ZNF639: variants seen among roughly 807,000 people sequenced by gnomAD.
ZNF639 encodes the protein zinc finger amplified in esophageal squamous cell carcinomas 1.
Under a neutral mutation model 39.8 loss-of-function variants are expected in ZNF639, and 20 were observed. That is an observed-to-expected ratio of 0.50 (90% CI 0.35 to 0.73). The LOEUF is 0.73. Ranked by LOEUF, ZNF639 falls within the 30% of genes least tolerant of loss-of-function variation. The pLI is 0.00. For missense variants in ZNF639, 477 were observed against 566.2 expected (o/e 0.84, Z 1.60); for synonymous variants, 176 against 189.8 (o/e 0.93, Z 0.60).
chr3:179,333,006 G>A lies in ZNF639; in HGVS notation c.187G>A (p.Glu63Lys), dbSNP rs1375579759. 24 of 1,550,666 alleles carry A rather than the reference G, an allele frequency of 1.5e-5. No individual in the cohort carries two copies. The highest frequency in any genetic ancestry group is 3.6e-5 in the South Asian group (3 of 83,818). Reference sequence around the variant, plus strand: ...TTTTACAGATGATGATTCTGATACCGAGACGTCAAATGACTTGCCAAAATT... The same window carrying A: ...TTTTACAGATGATGATTCTGATACCAAGACGTCAAATGACTTGCCAAAATT... ...FDNKDDDSDTETSNDLPKFAD... is the reference protein window; with the variant it reads ...FDNKDDDSDTKTSNDLPKFAD... The change falls in exon 5 of 6, where the codon GAG becomes AAG. Residue 63 changes from glutamate (E) to lysine (K), a missense_variant. Coordinates refer to ENST00000496856, the MANE Select transcript of ZNF639 (RefSeq NM_001303426.2).
At position 179,334,690 on chromosome 3, in the gene ZNF639, A is replaced by G. The variant is rs1728123050; in HGVS notation, c.*268A>G. 4.8e-6 allele frequency: 1 copy of G among 207,300 alleles called. No homozygotes were observed. 12.8% of individuals were successfully genotyped at this position (207,300 alleles called of 1,614,324 possible). A position where few individuals can be genotyped will look rare whatever the true frequency, so the allele number is the denominator to read the frequency against. On this transcript the variant is annotated 3_prime_UTR_variant, in exon 6 of 6. Coordinates refer to ENST00000496856, the MANE Select transcript of ZNF639 (RefSeq NM_001303426.2). Reference sequence around the variant, plus strand: ...TCTTCCATATTCTCTGATTTCATGAATTGAAAAGAAACAAATGTATTGAAG... The same window carrying G: ...TCTTCCATATTCTCTGATTTCATGAGTTGAAAAGAAACAAATGTATTGAAG...
intron 1 of ZNF639, among the ~76,000 whole-genome samples, chr3:179,324,268 A>G (rs1181367818): frequency 6.6e-6 from 1 of 152,190 alleles, no homozygotes; most frequent in African/African-American, 2.4e-5. Context: ...TGTTGTATGT[A>G]TTCTATTTTG....
rs1253592227 is a variant in ZNF639, at chr3:179,335,523, A to G, written c.*1101A>G. 6.6e-6 allele frequency: 1 copy of G among 152,380 alleles called. No homozygotes were observed. The highest frequency in any genetic ancestry group is 6.5e-5 in the Admixed American group (1 of 15,304). 9.4% of individuals were successfully genotyped at this position (152,380 alleles called of 1,614,324 possible). On this transcript the variant is annotated 3_prime_UTR_variant, in exon 6 of 6. Coordinates refer to ENST00000496856, the MANE Select transcript of ZNF639 (RefSeq NM_001303426.2). The stretch of plus-strand genomic sequence containing the variant: ...ACTTACAACATTTATTAATAAAATG[A>G]TAAATTAGCATCAATATTAGTTCGT...
intron 4 of ZNF639, among the ~76,000 whole-genome samples, chr3:179,332,075 A>C (rs1365001877): frequency 6.6e-6 from 1 of 152,222 alleles, no homozygotes; most frequent in Non-Finnish European, 1.5e-5. Flanking sequence ...ATAGAGAGAC[A>C]TGGCACCTTA....
Position 179,328,286 on chromosome 3 carries a change from G to A in ZNF639, c.-8G>A, listed in dbSNP as rs1190768558. ...TTAATTTTTTCTCGTTTTTTAGATT[G>A]AAAAGATATGAATGAGTATCCTAAA... On this transcript the variant is annotated 5_prime_UTR_variant, in exon 3 of 6. Transcript: ENST00000496856. 6.5e-7 allele frequency: 1 copy of A among 1,543,920 alleles called. No homozygotes were observed. Among genetic ancestry groups the A allele is most frequent in the South Asian group, 1.2e-5 (1 of 84,478 alleles).
chr3:179,323,080 C>G lies in ZNF639; in HGVS notation c.-294C>G, dbSNP rs1033234888. The G allele has an allele frequency of 3.0e-6, 3 of 984,820 alleles. No homozygotes were observed. The African/African-American group carries it at 5.3e-5, about 17-fold the overall frequency. The allele number at this position is 984,820 out of a possible 1,614,324, so 61.0% of individuals were successfully genotyped here. A position where few individuals can be genotyped will look rare whatever the true frequency, so the allele number is the denominator to read the frequency against. On this transcript the variant is annotated 5_prime_UTR_variant, in exon 1 of 6. Coordinates refer to ENST00000496856, the MANE Select transcript of ZNF639 (RefSeq NM_001303426.2). ...CGTGGCGGCCAGGGCAGTGCGGCCG[C>G]GGAGCCTAGGCCAGGGGCCTGGCGC...
intron 1 of ZNF639, chr3:179,324,847 T>C (rs1179526934): frequency 6.6e-6 from 1 of 152,252 alleles, no homozygotes; most frequent in African/African-American, 2.4e-5. Flanking sequence ...CTGAGTGTTT[T>C]CAGTGTTCTC....
chr3:179,332,984 T>A lies in ZNF639; in HGVS notation c.170-5T>A, dbSNP rs1272575189. 6.5e-7 allele frequency: 1 copy of A among 1,542,228 alleles called. No homozygotes were observed. Among genetic ancestry groups the A allele is most frequent in the South Asian group, 1.2e-5 (1 of 81,692 alleles). On this transcript the variant is annotated splice_region_variant and splice_polypyrimidine_tract_variant and intron_variant, in intron 4 of 5. Coordinates refer to ENST00000496856, the MANE Select transcript of ZNF639 (RefSeq NM_001303426.2). Reference sequence around the variant, plus strand: ...ATAAGTATTCTTCCAAATCCCTTTTTACAGATGATGATTCTGATACCGAGA... The same window carrying A: ...ATAAGTATTCTTCCAAATCCCTTTTAACAGATGATGATTCTGATACCGAGA...
chr3:179,330,592 C>G (rs1461012609), intron 4 of ZNF639, among the ~76,000 whole-genome samples: 1 of 152,190 alleles, frequency 6.6e-6, no homozygotes, highest in Non-Finnish European at 1.5e-5. Context: ...AGCCCTAAAT[C>G]CACTTTAGTT....
upstream of ZNF639, chr3:179,322,960 G>A: frequency 1.0e-6 from 1 of 985,110 alleles, no homozygotes; most frequent in Non-Finnish European, 1.2e-6. Context: ...CCGCGTGTGC[G>A]GTGCGTTCGC....
intron 4 of ZNF639, among the ~76,000 whole-genome samples, chr3:179,330,908 G>GTA (rs1264519818): frequency 1.3e-5 from 2 of 152,168 alleles, no homozygotes; most frequent in Non-Finnish European, 2.9e-5. Flanking sequence ...ATATGTGTGT[G>GTA]TATATATATG....
At position 179,325,840 on chromosome 3, in the gene ZNF639, C is replaced by CA. The variant is rs575384651; in HGVS notation, c.-82-1720dup. On this transcript the variant is annotated intron_variant, in intron 1 of 5. Coordinates refer to ENST00000496856, the MANE Select transcript of ZNF639 (RefSeq NM_001303426.2). Reference sequence around the variant, plus strand: ...AGCTTGCAGTGAGCCAAGATAGCGCCACTGCACTCCAGCCTGGGCGAAAGA... The same window carrying CA: ...AGCTTGCAGTGAGCCAAGATAGCGCCAACTGCACTCCAGCCTGGGCGAAAGA... Among the ~76,000 whole-genome samples, 672 of 152,040 alleles carry CA rather than the reference C, an allele frequency of 4.4e-3. 2 individuals carry two copies. The highest frequency in any genetic ancestry group is 0.016 in the African/African-American group (647 of 41,464).
chr3:179,331,199 C>G (rs1314557906), intron 4 of ZNF639, among the ~76,000 whole-genome samples: 1 of 151,974 alleles, frequency 6.6e-6, no homozygotes, highest in Non-Finnish European at 1.5e-5. Context: ...TCCCAACAGC[C>G]AAAACTGAAA....
Position 179,334,545 on chromosome 3 carries a change from A to T in ZNF639, c.*123A>T, listed in dbSNP as rs193256025. 2 of 661,394 alleles carry T rather than the reference A, an allele frequency of 3.0e-6. No individual in the cohort carries two copies. Among genetic ancestry groups the T allele is most frequent in the East Asian group, 6.5e-5 (2 of 30,978 alleles). 41.0% of individuals were successfully genotyped at this position (661,394 alleles called of 1,614,324 possible). ...TCTGCCTTTAACAAGTAACTTTTTT[A>T]AATTATAAAATTTTATTGGCATTGC... is the stretch of plus-strand genomic sequence containing the variant. On this transcript the variant is annotated 3_prime_UTR_variant, in exon 6 of 6. Coordinates refer to ENST00000496856, the MANE Select transcript of ZNF639 (RefSeq NM_001303426.2).
Position 179,334,532 on chromosome 3 carries a change from A to G in ZNF639, c.*110A>G. The G allele has an allele frequency of 1.3e-6, 1 of 794,724 alleles. No individual in the cohort carries two copies. The highest frequency in any genetic ancestry group is 1.8e-6 in the Non-Finnish European group (1 of 556,210). 49.2% of individuals were successfully genotyped at this position (794,724 alleles called of 1,614,324 possible). A position where few individuals can be genotyped will look rare whatever the true frequency, so the allele number is the denominator to read the frequency against. On this transcript the variant is annotated 3_prime_UTR_variant, in exon 6 of 6. Coordinates refer to ENST00000496856, the MANE Select transcript of ZNF639 (RefSeq NM_001303426.2). ...ACAACTTATGAAATCTGCCTTTAAC[A>G]AGTAACTTTTTTAAATTATAAAATT...
Position 179,334,329 on chromosome 3 carries a change from A to T in ZNF639, c.1365A>T (p.Ser455=), listed in dbSNP as rs781089248. ...DLKIHLDFKH[S]ADLPHKCSDC... ...AAATTCATCTAGATTTCAAGCATTC[A>T]GCTGACTTGCCTCATAAATGTAGTG... The change falls in exon 6 of 6, where the codon TCA becomes TCT. Residue 455 remains serine, a synonymous_variant. Transcript: ENST00000496856. The T allele has an allele frequency of 6.2e-7, 1 of 1,612,850 alleles. No individual in the cohort carries two copies. Among genetic ancestry groups the T allele is most frequent in the Non-Finnish European group, 8.5e-7 (1 of 1,179,540 alleles).
intron 4 of ZNF639, among the ~76,000 whole-genome samples, chr3:179,330,459 A>T (rs1280956617): frequency 1.3e-5 from 2 of 151,858 alleles, no homozygotes; most frequent in East Asian, 1.9e-4. Flanking sequence ...ATTTTTAAAA[A>T]TTTTTTTGTA....
chr3:179,325,624 T>G (rs1390765484), intron 1 of ZNF639, among the ~76,000 whole-genome samples: 1 of 152,108 alleles, frequency 6.6e-6, no homozygotes, highest in Non-Finnish European at 1.5e-5. Context: ...CCGGGCGCGG[T>G]GGCTCACGCC....
chr3:179,328,204 A>G, intron 2 of ZNF639, 79 bp from the exon 3 acceptor site: 1 of 798,880 alleles, frequency 1.3e-6, no homozygotes, highest in Non-Finnish European at 2.0e-6. Context: ...TTGCCAATAA[A>G]TTCTTCAGTT....
Sources: gnomAD v4.1 joint callset for allele counts (sites outside exome capture counted in the v4.1 genomes callset) on GRCh38, gnomAD v4.1.1 for gene constraint, MANE v1.5 for transcripts, NCBI Gene and HGNC (gene_info 2026-07-23, HGNC 2026-07-21) for gene names.